Variants in DCLK1 observed in about 807,000 individuals in gnomAD.
DCLK1 encodes serine/threonine-protein kinase DCLK1.
A neutral mutation model predicts 86.2 loss-of-function variants in DCLK1; 16 were observed. That is an observed-to-expected ratio of 0.19 (90% CI 0.13 to 0.28). The LOEUF (loss-of-function observed/expected upper bound fraction) is 0.28. Ranked by LOEUF, DCLK1 falls within the 10% of genes least tolerant of loss-of-function variation. DCLK1 has a pLI of 1.00. For synonymous variants in DCLK1, 369 were observed against 370.5 expected, an observed-to-expected ratio of 1.00 and a Z score of 0.05; for missense variants, 590 against 940.2, an observed-to-expected ratio of 0.63 and a Z score of 4.87.
intron 3 of DCLK1, among the ~76,000 whole-genome samples, chr13:35,956,670 A>G (rs1877998196): frequency 6.6e-6 from 1 of 152,308 alleles, no homozygotes; most frequent in African/African-American, 2.4e-5. Flanking sequence ...CACAGGACCA[A>G]CCAGGGATAG....
chr13:35,824,449 G>T (rs2087473283), intron 10 of DCLK1, among the ~76,000 whole-genome samples: 1 of 152,070 alleles, frequency 6.6e-6, no homozygotes, highest in African/African-American at 2.4e-5. Flanking sequence ...CAAAATGCTG[G>T]GATTACATGC....
rs369652609 is a variant in DCLK1, at chr13:36,048,212, G to C, written c.723+63657C>G. 3.2e-4 allele frequency among the ~76,000 whole-genome samples: 48 copies of C among 152,108 alleles called. 1 individual carries two copies. The highest frequency in any genetic ancestry group is 2.3e-3 in the East Asian group (12 of 5,174). On this transcript the variant is annotated intron_variant, in intron 3 of 16. Transcript: ENST00000360631. ...GGAGCCAACTGATATATTTAGCATT[G>C]GATATATGCTAAAACTGGAAACCTT... is the stretch of plus-strand genomic sequence containing the variant.
intron 3 of DCLK1, among the ~76,000 whole-genome samples, chr13:36,074,306 T>G (rs1884088033): frequency 6.6e-6 from 1 of 151,504 alleles, no homozygotes. Context: ...ATCGAGACCT[T>G]CCCGGCTAAC....
chr13:36,064,476 T>C (rs1883674927), intron 3 of DCLK1, among the ~76,000 whole-genome samples: 1 of 151,984 alleles, frequency 6.6e-6, no homozygotes, highest in African/African-American at 2.4e-5. Flanking sequence ...CTGGCCAACA[T>C]GGTGAAACCC....
At chr13:36,124,982 C>T (rs1408158813) in intron 2 of DCLK1, among the ~76,000 whole-genome samples, 1 of 152,168 alleles carries the variant, frequency 6.6e-6, no homozygotes, top group African/African-American at 2.4e-5. Context: ...CAAACAGGGT[C>T]AGTCCTGAGG....
intron 3 of DCLK1, among the ~76,000 whole-genome samples, chr13:36,089,229 C>T (rs1884729954): frequency 6.6e-6 from 1 of 152,222 alleles, no homozygotes; most frequent in East Asian, 1.9e-4. Flanking sequence ...TGTACAATGT[C>T]ACATATCTGC....
At chr13:35,993,406 G>T (rs1440744162) in intron 3 of DCLK1, among the ~76,000 whole-genome samples, 3 of 152,168 alleles carry the variant, frequency 2.0e-5, no homozygotes, top group African/African-American at 2.4e-5. Context: ...CAAGAGCAAG[G>T]ATCTTTTCTT....
chr13:35,837,549 T>C (rs1869474825), intron 7 of DCLK1, among the ~76,000 whole-genome samples: 1 of 152,048 alleles, frequency 6.6e-6, no homozygotes, highest in African/African-American at 2.4e-5. Flanking sequence ...ACAAAACAGC[T>C]CCCAGATGAC....
At chr13:35,845,878 A>C in intron 6 of DCLK1, 1 of 976,250 alleles carries the variant, frequency 1.0e-6, no homozygotes, top group Non-Finnish European at 1.2e-6. Flanking sequence ...AATTTTCTGA[A>C]AGAAACTCAC....
intron 3 of DCLK1, among the ~76,000 whole-genome samples, chr13:36,069,841 T>C (rs1685177358): frequency 6.6e-6 from 1 of 152,230 alleles, no homozygotes; most frequent in African/African-American, 2.4e-5. Context: ...CTAAACATTT[T>C]AACTGTCAGA....
In DCLK1 at chr13:35,996,704, C is replaced by CATAT. The variant is rs35838697; in HGVS notation, c.724-49251_724-49248dup. On this transcript the variant is annotated intron_variant, in intron 3 of 16. Coordinates refer to ENST00000360631, the MANE Select transcript of DCLK1 (RefSeq NM_001330071.2). The stretch of plus-strand genomic sequence containing the variant: ...GAGTTCCTTAAAACAAATCTCTTTC[C>CATAT]ATATATATATATACACACAACCTAT... Among the ~76,000 whole-genome samples the CATAT allele has an allele frequency of 2.6e-4, 34 of 129,420 alleles. No homozygotes were observed. In the East Asian group the frequency reaches 3.9e-3, roughly 15 times the overall value. 84.9% of individuals were successfully genotyped at this position (129,420 alleles called of 152,430 possible). A position where few individuals can be genotyped will look rare whatever the true frequency, so the allele number is the denominator to read the frequency against.
At chr13:36,045,257 C>CTATATATA (rs59721866) in intron 3 of DCLK1, among the ~76,000 whole-genome samples, 21 of 122,392 alleles carry the variant, frequency 1.7e-4, no homozygotes, top group African/African-American at 5.4e-4. Flanking sequence ...AATCCATCTT[C>CTATATATA]TATATATATA....
intron 2 of DCLK1, among the ~76,000 whole-genome samples, chr13:36,116,994 G>T (rs1885814590): frequency 6.6e-6 from 1 of 152,086 alleles, no homozygotes; most frequent in Non-Finnish European, 1.5e-5. Context: ...GCTATTAAAG[G>T]CAAGAAAAAA....
intron 3 of DCLK1, among the ~76,000 whole-genome samples, chr13:36,034,793 C>T (rs1416614450): frequency 3.9e-5 from 6 of 152,020 alleles, no homozygotes; most frequent in African/African-American, 9.7e-5. Flanking sequence ...CACCAGCTCA[C>T]GAAATTTCTA....
Position 35,871,808 on chromosome 13 carries a change from G to A in DCLK1, c.824-468C>T, listed in dbSNP as rs968370838. On this transcript the variant is annotated intron_variant, in intron 4 of 16. Coordinates refer to ENST00000360631, the MANE Select transcript of DCLK1 (RefSeq NM_001330071.2). ...CAAGTTTATTGCCATGGGTCCTCACGGAGATAGTTGTGGGTCTTTATGATA... is the reference window on the plus strand; with the variant it reads ...CAAGTTTATTGCCATGGGTCCTCACAGAGATAGTTGTGGGTCTTTATGATA... 7.0e-4 allele frequency among the ~76,000 whole-genome samples: 107 copies of A among 152,188 alleles called. 1 individual carries two copies. Among genetic ancestry groups the A allele is most frequent in the African/African-American group, 2.5e-3 (102 of 41,454 alleles).
chr13:35,877,416 C>T (rs1362428031), intron 4 of DCLK1, among the ~76,000 whole-genome samples: 2 of 152,210 alleles, frequency 1.3e-5, no homozygotes, highest in Non-Finnish European at 2.9e-5. Context: ...ACCAGTGGCT[C>T]ACCTGAGCTC....
intron 6 of DCLK1, among the ~76,000 whole-genome samples, chr13:35,845,701 G>A (rs944414095): frequency 2.0e-5 from 3 of 152,158 alleles, no homozygotes; most frequent in Non-Finnish European, 2.9e-5. Flanking sequence ...ATCTTATTTT[G>A]TTATTACTGT....
intron 3 of DCLK1, among the ~76,000 whole-genome samples, chr13:35,956,832 G>A (rs1391137839): frequency 1.3e-5 from 2 of 152,118 alleles, no homozygotes; most frequent in African/African-American, 4.8e-5. Flanking sequence ...ATTTTAATAG[G>A]AAGAATTGTT....
chr13:36,017,983 TTA>T (rs1881611212), intron 3 of DCLK1, among the ~76,000 whole-genome samples: 1 of 152,338 alleles, frequency 6.6e-6, no homozygotes, highest in East Asian at 1.9e-4. Context: ...ATGGCAATTT[TTA>T]ACTCTATTTG....
Sources: allele counts gnomAD v4.1 joint callset (sites outside exome capture counted in the v4.1 genomes callset), GRCh38; gene constraint gnomAD v4.1.1; transcripts MANE v1.5; gene names NCBI Gene and HGNC (gene_info 2026-07-23, HGNC 2026-07-21).